FGL1: variants seen among roughly 807,000 people sequenced by gnomAD.
FGL1 encodes fibrinogen like 1, also known as fibrinogen-like protein 1.
In FGL1, 59 loss-of-function variants were observed where a neutral mutation model predicts 43.7. The observed-to-expected ratio is 1.35, with a 90% CI of 1.10 to 1.68. FGL1 has a LOEUF of 1.68. Among genes scored for constraint, FGL1 ranks in the 40% most tolerant of loss-of-function variants. FGL1 has a pLI of 0.00. For synonymous variants in FGL1, 192 were observed against 126.5 expected (o/e 1.52, Z -3.48); for missense variants, 596 against 373.0 (o/e 1.60, Z -4.92).
At chr8:17,889,170 T>C (rs192334122) in intron 1 of FGL1, among the ~76,000 whole-genome samples, 7 of 152,296 alleles carry the variant, frequency 4.6e-5, no homozygotes, top group Admixed American at 2.6e-4. Context: ...ACAAGGGCTA[T>C]TTCCCCAAGT....
intron 5 of FGL1, among the ~76,000 whole-genome samples, chr8:17,872,551 C>T (rs1002300749): frequency 6.6e-6 from 1 of 152,164 alleles, no homozygotes; most frequent in East Asian, 1.9e-4. Flanking sequence ...GGTCCACCCA[C>T]CTCAGCATCC....
At position 17,864,564 on chromosome 8, in the gene FGL1, T is replaced by G. The variant is rs368344134; in HGVS notation, c.*28A>C. Reference sequence around the variant, plus strand: ...CAAATCACTTTAAACAAAGCTGAATTGCAGAAACGAAAGCCCAACAGCAGC... The same window carrying G: ...CAAATCACTTTAAACAAAGCTGAATGGCAGAAACGAAAGCCCAACAGCAGC... On this transcript the variant is annotated 3_prime_UTR_variant, in exon 8 of 8. Transcript: ENST00000427924. 1.6e-5 allele frequency: 25 copies of G among 1,589,438 alleles called. No individual in the cohort carries two copies. The African/African-American group carries it at 3.0e-4, about 19-fold the overall frequency.
rs747321642 is a variant in FGL1 at position 17,864,785 on chromosome 8, A to G, written c.780-34T>C. Reference sequence around the variant, plus strand: ...AGGGAGAAAAAAAAAGAAAACAACAATCAGACTGGAAAAATATTGTTCAGA... The same window carrying G: ...AGGGAGAAAAAAAAAGAAAACAACAGTCAGACTGGAAAAATATTGTTCAGA... On this transcript the variant is annotated intron_variant, in intron 7 of 7. Coordinates refer to ENST00000427924, the MANE Select transcript of FGL1 (RefSeq NM_004467.4). 4 of 1,418,590 alleles carry G rather than the reference A, an allele frequency of 2.8e-6. 1 individual carries two copies. The South Asian group carries it at 7.0e-5, about 25-fold the overall frequency. 87.9% of individuals were successfully genotyped at this position (1,418,590 alleles called of 1,614,324 possible).
intron 2 of FGL1, among the ~76,000 whole-genome samples, chr8:17,882,945 A>G (rs1201950424): frequency 2.0e-5 from 2 of 101,744 alleles, no homozygotes; most frequent in African/African-American, 1.0e-4. Context: ...TATATTAAAT[A>G]ATATATAATA....
chr8:17,868,794 A>C, intron 6 of FGL1, 59 bp from the exon 7 acceptor site: 1 of 1,519,458 alleles, frequency 6.6e-7, no homozygotes. Context: ...TTTTAAAATT[A>C]AGTTTATTTC....
At chr8:17,881,617 A>G (rs1399185967) in intron 3 of FGL1, among the ~76,000 whole-genome samples, 1 of 151,378 alleles carries the variant, frequency 6.6e-6, no homozygotes, top group African/African-American at 2.4e-5. Flanking sequence ...GCGAATCACA[A>G]GGTCAGGTGA....
At chr8:17,876,238 A>G (rs570223545) in intron 3 of FGL1, among the ~76,000 whole-genome samples, 1 of 152,332 alleles carries the variant, frequency 6.6e-6, no homozygotes, top group African/African-American at 2.4e-5. Context: ...ATGTTTAAAG[A>G]TTTAAAAACA....
chr8:17,893,857 A>G (rs946849664), intron 1 of FGL1, among the ~76,000 whole-genome samples: 1 of 147,444 alleles, frequency 6.8e-6, no homozygotes, highest in African/African-American at 2.7e-5. Context: ...GGCTTACAGT[A>G]AAGTTGTATC....
intron 2 of FGL1, among the ~76,000 whole-genome samples, chr8:17,882,892 A>G (rs2053562327): frequency 9.3e-6 from 1 of 107,158 alleles, no homozygotes; most frequent in African/African-American, 4.6e-5. Flanking sequence ...AATATATCTC[A>G]TATATAATAT....
Position 17,882,141 on chromosome 8 carries a change from T to C in FGL1, c.102A>G (p.Arg34=). The C allele has an allele frequency of 1.9e-6, 3 of 1,614,008 alleles. No homozygotes were observed. In the South Asian group the frequency reaches 3.3e-5, roughly 18 times the overall value. Reference sequence around the variant, plus strand: ...GGGTCTCAAGCAGGCGCACCTGGGCTCTGAGCCGCATCTGCTCCTGGGCAC... The same window carrying C: ...GGGTCTCAAGCAGGCGCACCTGGGCCCTGAGCCGCATCTGCTCCTGGGCAC... The part of the protein sequence containing the change: ...EDCAQEQMRL[R]AQVRLLETRV... The change falls in exon 3 of 8, where the codon AGA becomes AGG. Residue 34 remains arginine, a synonymous_variant. Coordinates refer to ENST00000427924, the MANE Select transcript of FGL1 (RefSeq NM_004467.4).
chr8:17,880,560 ATATGAGGATCTAC>A (rs1228721502), intron 3 of FGL1, among the ~76,000 whole-genome samples: 2 of 152,310 alleles, frequency 1.3e-5, no homozygotes, highest in East Asian at 1.9e-4. Flanking sequence ...TCATTCCTGA[ATATGAGGATCTAC>A]TATGTTTCAG....
Position 17,868,630 on chromosome 8 carries a change from T to G in FGL1, c.697A>C (p.Lys233Gln), listed in dbSNP as rs746525851. The G allele has an allele frequency of 5.6e-6, 9 of 1,614,042 alleles. No homozygotes were observed. The highest frequency in any genetic ancestry group is 1.3e-5 in the African/African-American group (1 of 74,930). Residue 233 changes from lysine (K) to glutamine (Q), a missense_variant, in exon 7 of 8, where the codon AAA becomes CAA. Physicochemically the swap from Lys to Gln is moderately conservative, Grantham distance 53. Transcript: ENST00000427924. ...VQWWASHQRM[K>Q]FSTWDRDHDN... ...TGATCTCTGTCCCACGTGCTGAATT[T>G]CATTCTTTGGTGACTAGCCCACCAC... is the stretch of plus-strand genomic sequence containing the variant.
intron 5 of FGL1, among the ~76,000 whole-genome samples, chr8:17,872,080 T>A (rs1202913775): frequency 6.6e-6 from 1 of 152,020 alleles, no homozygotes; most frequent in Non-Finnish European, 1.5e-5. Flanking sequence ...AATAGATATG[T>A]TGAAGGAAAG....
intron 3 of FGL1, among the ~76,000 whole-genome samples, chr8:17,881,329 G>T (rs1011995303): frequency 2.0e-5 from 3 of 151,608 alleles, no homozygotes; most frequent in Non-Finnish European, 2.9e-5. Flanking sequence ...TAGAGATGGG[G>T]TTTCACCATA....
intron 7 of FGL1, among the ~76,000 whole-genome samples, chr8:17,865,080 C>G (rs1404046790): frequency 6.6e-6 from 1 of 152,082 alleles, no homozygotes; most frequent in African/African-American, 2.4e-5. Flanking sequence ...GCCACTGCGC[C>G]TGGCCTCAGA....
At chr8:17,885,934 A>C (rs1195563892) in intron 1 of FGL1, among the ~76,000 whole-genome samples, 3 of 152,084 alleles carry the variant, frequency 2.0e-5, no homozygotes, top group Non-Finnish European at 2.9e-5. Flanking sequence ...CTGCTTATGG[A>C]GCTTGTGTCT....
chr8:17,884,664 C>T (rs376531036), intron 2 of FGL1, among the ~76,000 whole-genome samples: 1 of 152,004 alleles, frequency 6.6e-6, no homozygotes, highest in Non-Finnish European at 1.5e-5. Context: ...AGTGGGGGAT[C>T]GGTTGTGATA....
rs1309675350 is a variant in FGL1, at chr8:17,882,044, C to G, written c.199G>C (p.Asp67His). 1.9e-6 allele frequency: 3 copies of G among 1,613,982 alleles called. No individual in the cohort carries two copies. In the South Asian group the frequency reaches 3.3e-5, roughly 18 times the overall value. Reference protein sequence around the residue: ...ENEVQFLDKGDENTVIDLGSK... With the variant: ...ENEVQFLDKGHENTVIDLGSK... ...CCAAGATCAATGACAGTATTCTCAT[C>G]TCCTTTATCAAGGAACTGGACTTCA... The change falls in exon 3 of 8, where the codon GAT becomes CAT. Residue 67 changes from aspartate to histidine, a missense_variant. Asp to His is a moderately conservative substitution (Grantham distance 81). Coordinates refer to ENST00000427924, the MANE Select transcript of FGL1 (RefSeq NM_004467.4).
intron 7 of FGL1, among the ~76,000 whole-genome samples, chr8:17,865,106 A>C (rs2517332): frequency 0.76 from 115,364 of 151,980 alleles, 44,572 homozygotes; most frequent in African/African-American, 0.82. Flanking sequence ...GTATTTTAAA[A>C]TGGTGAGTTT....
Sources: gnomAD v4.1 joint callset for allele counts (sites outside exome capture counted in the v4.1 genomes callset) on GRCh38, gnomAD v4.1.1 for gene constraint, MANE v1.5 for transcripts, NCBI Gene and HGNC (gene_info 2026-07-23, HGNC 2026-07-21) for gene names.